The following CCDC15 variants were observed in gnomAD, a reference collection of about 807,000 sequenced individuals.
CCDC15 encodes coiled-coil domain-containing protein 15.
Under a neutral mutation model 114.5 loss-of-function variants are expected in CCDC15, and 105 were observed. The ratio of observed to expected loss-of-function variants is 0.92; its 90% CI spans 0.78 to 1.08. The LOEUF (loss-of-function observed/expected upper bound fraction) is 1.08. Among genes scored for constraint, CCDC15 ranks in the 50% least tolerant of loss-of-function variants. The pLI is 0.00. For missense variants in CCDC15, 1,105 were observed against 1,093.6 expected, an observed-to-expected ratio of 1.01 and a Z score of -0.15; for synonymous variants, 334 against 377.8, an observed-to-expected ratio of 0.88 and a Z score of 1.34.
chr11:124,985,515 A>G (rs1240509122), intron 6 of CCDC15, among the ~76,000 whole-genome samples: 3 of 152,090 alleles, frequency 2.0e-5, no homozygotes, highest in Non-Finnish European at 4.4e-5. Flanking sequence ...TGTTATAGCT[A>G]TCCTAGTAGA....
chr11:124,972,436 T>G (rs1364176646), intron 4 of CCDC15, among the ~76,000 whole-genome samples: 1 of 152,204 alleles, frequency 6.6e-6, no homozygotes, highest in Non-Finnish European at 1.5e-5. Flanking sequence ...AACATCATCT[T>G]GCAGAGAAAT....
At chr11:125,035,385 A>C (rs1395796439) in intron 13 of CCDC15, among the ~76,000 whole-genome samples, 1 of 151,900 alleles carries the variant, frequency 6.6e-6, no homozygotes, top group Non-Finnish European at 1.5e-5. Flanking sequence ...GTCTGATATT[A>C]GTATAGCTAC....
Position 124,954,894 on chromosome 11 carries a change from G to T in CCDC15, c.162G>T (p.Ser54=). The part of the protein sequence containing the change: ...AWVEPASPGS[S]EIPAYTSAYL... ...TGGAACCTGCCTCACCAGGTAGTTC[G>T]GAAATCCCAGCATATGTGAGTGTCA... Residue 54 remains serine, a synonymous_variant, in exon 2 of 16, where the codon TCG becomes TCT. Coordinates refer to ENST00000344762, the MANE Select transcript of CCDC15 (RefSeq NM_025004.3). 1 of 1,613,956 alleles carries T rather than the reference G, an allele frequency of 6.2e-7. No homozygotes were observed. Among genetic ancestry groups the T allele is most frequent in the Non-Finnish European group, 8.5e-7 (1 of 1,179,860 alleles).
chr11:124,956,088 A>G lies in CCDC15; in HGVS notation c.177+1179A>G, dbSNP rs527951884. Among the ~76,000 whole-genome samples the G allele has an allele frequency of 2.2e-4, 33 of 152,264 alleles. No homozygotes were observed. The South Asian group carries it at 6.8e-3, about 32-fold the overall frequency. On this transcript the variant is annotated intron_variant, in intron 2 of 15. Transcript: ENST00000344762. ...AAGCTTAGTAGGAGAATGGTTGCTGACAGGATTATGGAAAATAGGGATGGT... is the reference window on the plus strand; with the variant it reads ...AAGCTTAGTAGGAGAATGGTTGCTGGCAGGATTATGGAAAATAGGGATGGT...
intron 4 of CCDC15, among the ~76,000 whole-genome samples, chr11:124,972,471 A>G (rs1318528027): frequency 6.6e-6 from 1 of 152,206 alleles, no homozygotes; most frequent in Non-Finnish European, 1.5e-5. Flanking sequence ...GTTTATTTGA[A>G]TTATTGCATA....
intron 4 of CCDC15, among the ~76,000 whole-genome samples, chr11:124,965,558 G>A (rs1947760892): frequency 6.6e-6 from 1 of 151,942 alleles, no homozygotes; most frequent in Non-Finnish European, 1.5e-5. Flanking sequence ...CTTGCTAGCG[G>A]TCTATCAATT....
rs768420274 is a variant in CCDC15, at chr11:124,959,915, G to A, written c.428G>A (p.Ser143Asn). ...FPNNLNVAIGSSRLPPSLMPG... is the reference protein window; with the variant it reads ...FPNNLNVAIGNSRLPPSLMPG... ...AACAATTTGAATGTTGCTATTGGAA[G>A]TTCTAGGTTACCTCCTTCCCTGATG... The change falls in exon 4 of 16, where the codon AGT becomes AAT. Residue 143 changes from serine to asparagine, a missense_variant. By Grantham distance (46) the Ser-to-Asn change is conservative (BLOSUM62 1). Transcript: ENST00000344762. The A allele has an allele frequency of 6.3e-7, 1 of 1,588,874 alleles. No individual in the cohort carries two copies. Among genetic ancestry groups the A allele is most frequent in the South Asian group, 1.1e-5 (1 of 87,260 alleles).
At position 124,987,430 on chromosome 11, in the gene CCDC15, GA is replaced by G; in HGVS notation, c.1206del (p.Ser404ValfsTer4). On this transcript the variant is annotated frameshift_variant, in exon 8 of 16. Transcript: ENST00000344762. LOFTEE classifies it high-confidence loss of function. The stretch of plus-strand genomic sequence containing the variant: ...GAAAGCCCAGAGTATTGAGCTAGAA[GA>G]AGGGAGTATTGTGTTGAAAACCCAG... Reference protein sequence around the residue: ...MLKAQSIELEEGSIVLKTQDF... With the variant: ...MLKAQSIELEXGSIVLKTQDF... 6.2e-7 allele frequency: 1 copy of G among 1,613,972 alleles called. No homozygotes were observed.
chr11:125,014,721 C>T (rs1161123370), intron 13 of CCDC15, among the ~76,000 whole-genome samples: 1 of 152,142 alleles, frequency 6.6e-6, no homozygotes, highest in East Asian at 1.9e-4. Context: ...AGCTGTAACT[C>T]ATGTATTAGT....
chr11:124,958,024 C>T (rs1292154521), intron 2 of CCDC15, among the ~76,000 whole-genome samples: 1 of 152,172 alleles, frequency 6.6e-6, no homozygotes, highest in African/African-American at 2.4e-5. Context: ...ATTACTTAAT[C>T]TTTCTGAACT....
intron 11 of CCDC15, among the ~76,000 whole-genome samples, chr11:124,996,742 A>G (rs1948378175): frequency 6.6e-6 from 1 of 151,914 alleles, no homozygotes; most frequent in Admixed American, 6.5e-5. Context: ...CCACCATTCT[A>G]CTTTCTGTAT....
intron 6 of CCDC15, among the ~76,000 whole-genome samples, chr11:124,982,264 T>A (rs1948083889): frequency 1.3e-5 from 2 of 152,208 alleles, no homozygotes; most frequent in African/African-American, 2.4e-5. Context: ...CTGTGCCTTT[T>A]AATGGGGCAT....
intron 13 of CCDC15, among the ~76,000 whole-genome samples, chr11:125,008,460 A>G (rs1209341892): frequency 3.3e-5 from 5 of 152,166 alleles, no homozygotes; most frequent in Admixed American, 6.5e-5. Flanking sequence ...TCACCAGTGA[A>G]CAAAGTTAGT....
chr11:124,958,697 C>T (rs898374639), intron 2 of CCDC15, among the ~76,000 whole-genome samples: 1 of 151,746 alleles, frequency 6.6e-6, no homozygotes, highest in African/African-American at 2.4e-5. Flanking sequence ...GTGGAAGGTA[C>T]TGGGGAGTGG....
At chr11:124,985,052 T>C (rs1336407386) in intron 6 of CCDC15, among the ~76,000 whole-genome samples, 1 of 152,222 alleles carries the variant, frequency 6.6e-6, no homozygotes, top group Non-Finnish European at 1.5e-5. Context: ...ATCTACCTTT[T>C]GTCTGTATAG....
At chr11:124,981,723 G>T (rs1169043006) in intron 6 of CCDC15, among the ~76,000 whole-genome samples, 1 of 152,178 alleles carries the variant, frequency 6.6e-6, no homozygotes, top group African/African-American at 2.4e-5. Flanking sequence ...GGATTCAAGT[G>T]ATGCTCCCAA....
At chr11:125,037,358 G>A (rs1948782654) in intron 13 of CCDC15, 1 of 152,192 alleles carries the variant, frequency 6.6e-6, no homozygotes, top group South Asian at 2.1e-4. Context: ...CTGGAGCTAG[G>A]TGGACTCTAG....
chr11:124,958,771 C>T (rs1167950184), intron 2 of CCDC15, among the ~76,000 whole-genome samples: 2 of 151,840 alleles, frequency 1.3e-5, no homozygotes, highest in African/African-American at 4.8e-5. Flanking sequence ...AAGGGCATGC[C>T]AGGTTAAAAA....
chr11:124,976,123 A>AT (rs940401999), intron 5 of CCDC15, among the ~76,000 whole-genome samples: 3 of 150,676 alleles, frequency 2.0e-5, no homozygotes, highest in African/African-American at 7.3e-5. Context: ...TAAATATGTT[A>AT]TTTTTTTGCC....
Sources: allele counts gnomAD v4.1 joint callset (sites outside exome capture counted in the v4.1 genomes callset), GRCh38; gene constraint gnomAD v4.1.1; transcripts MANE v1.5; gene names NCBI Gene and HGNC (gene_info 2026-07-23, HGNC 2026-07-21).